THSD7A: variants seen among roughly 807,000 people sequenced by gnomAD.
THSD7A encodes the protein thrombospondin type-1 domain-containing protein 7A.
A neutral mutation model predicts 231.3 loss-of-function variants in THSD7A; 96 were observed. The ratio of observed to expected loss-of-function variants is 0.41; its 90% CI spans 0.35 to 0.49. The LOEUF (loss-of-function observed/expected upper bound fraction) is 0.49. Ranked by LOEUF, THSD7A falls within the 20% of genes least tolerant of loss-of-function variation. The probability of loss-of-function intolerance (pLI) is 0.05; values close to 1 mark genes in which losing one functional copy is unlikely to be tolerated. For synonymous variants in THSD7A, 940 were observed against 743.3 expected, an observed-to-expected ratio of 1.26 and a Z score of -4.30; for missense variants, 2,290 against 2,070.2, an observed-to-expected ratio of 1.11 and a Z score of -2.06.
At chr7:11,646,053 C>A (rs993377405) in intron 1 of THSD7A, among the ~76,000 whole-genome samples, 1 of 151,958 alleles carries the variant, frequency 6.6e-6, no homozygotes, top group Non-Finnish European at 1.5e-5. Context: ...AGAGAAAATT[C>A]TTCTTCAAGT....
At chr7:11,386,233 G>C (rs1002010309) in intron 23 of THSD7A, among the ~76,000 whole-genome samples, 1 of 152,166 alleles carries the variant, frequency 6.6e-6, no homozygotes, top group Non-Finnish European at 1.5e-5. Context: ...TATATACCCA[G>C]TAATGGGATT....
intron 4 of THSD7A, among the ~76,000 whole-genome samples, chr7:11,572,374 C>A (rs1380392305): frequency 2.0e-5 from 3 of 152,144 alleles, no homozygotes; most frequent in African/African-American, 4.8e-5. Context: ...ATTATTAAGC[C>A]CACTCAGTGA....
rs138450623 is a variant in THSD7A, at chr7:11,546,692, T to A, written c.1454-3575A>T. Among the ~76,000 whole-genome samples the A allele has an allele frequency of 7.1e-3, 1,083 of 152,242 alleles. 7 individuals carry two copies. Among genetic ancestry groups the A allele is most frequent in the Non-Finnish European group, 0.013 (851 of 68,012 alleles). Reference sequence around the variant, plus strand: ...TATTACATTCAAATGACTGCACTAGTTCCCCAGCACTGGTTTTAAACCAGG... The same window carrying A: ...TATTACATTCAAATGACTGCACTAGATCCCCAGCACTGGTTTTAAACCAGG... On this transcript the variant is annotated intron_variant, in intron 4 of 27. Coordinates refer to ENST00000423059, the MANE Select transcript of THSD7A (RefSeq NM_015204.3).
intron 1 of THSD7A, among the ~76,000 whole-genome samples, chr7:11,811,771 G>A (rs1784533907): frequency 6.6e-6 from 1 of 152,138 alleles, no homozygotes; most frequent in Non-Finnish European, 1.5e-5. Flanking sequence ...GCTGCCTGTG[G>A]ACAAATATAA....
At chr7:11,557,853 C>A (rs1789914109) in intron 4 of THSD7A, among the ~76,000 whole-genome samples, 1 of 152,104 alleles carries the variant, frequency 6.6e-6, no homozygotes, top group South Asian at 2.1e-4. Context: ...TCTCTAACAC[C>A]ACCTAGTGGG....
chr7:11,639,445 G>A (rs911341300), intron 1 of THSD7A, among the ~76,000 whole-genome samples: 2 of 151,982 alleles, frequency 1.3e-5, no homozygotes, highest in Non-Finnish European at 2.9e-5. Context: ...CGAGGCGGGC[G>A]GATCACAAGG....
chr7:11,733,579 G>A (rs1781808933), intron 1 of THSD7A, among the ~76,000 whole-genome samples: 2 of 151,796 alleles, frequency 1.3e-5, no homozygotes, highest in South Asian at 4.2e-4. Context: ...TGACTGTGTA[G>A]AAAAATGCAC....
intron 1 of THSD7A, among the ~76,000 whole-genome samples, chr7:11,705,169 T>C (rs556490239): frequency 1.3e-5 from 2 of 151,174 alleles, no homozygotes; most frequent in East Asian, 3.9e-4. Context: ...GAGAACATTG[T>C]TTCAAATATC....
chr7:11,762,784 T>C (rs1468212445), intron 1 of THSD7A, among the ~76,000 whole-genome samples: 1 of 151,718 alleles, frequency 6.6e-6, no homozygotes, highest in East Asian at 1.9e-4. Context: ...AACTACAAAA[T>C]ATTCATGAAA....
intron 1 of THSD7A, among the ~76,000 whole-genome samples, chr7:11,706,411 A>C (rs1780767495): frequency 6.6e-6 from 1 of 150,938 alleles, no homozygotes; most frequent in South Asian, 2.1e-4. Context: ...TAAGAAACTC[A>C]GAAAGTAAAG....
chr7:11,451,785 A>C (rs1463912801), intron 11 of THSD7A, among the ~76,000 whole-genome samples: 2 of 152,072 alleles, frequency 1.3e-5, no homozygotes, highest in East Asian at 3.9e-4. Flanking sequence ...GCAGCTCTGA[A>C]GCAGATCAAA....
chr7:11,546,198 G>GTGTGTGTGTGCGCGCGCGCGCA (rs1554335267), intron 4 of THSD7A, among the ~76,000 whole-genome samples: 3 of 50,264 alleles, frequency 6.0e-5, no homozygotes, highest in African/African-American at 4.3e-4. Context: ...TGGTGTGGGC[G>GTGTGTGTGTGCGCGCGCGCGCA]CGCGCTCACA....
chr7:11,734,853 T>TA (rs989705477), intron 1 of THSD7A, among the ~76,000 whole-genome samples: 2 of 151,950 alleles, frequency 1.3e-5, no homozygotes, highest in African/African-American at 4.8e-5. Context: ...ACCCATTTTT[T>TA]CAACAATGCA....
At chr7:11,646,769 T>A (rs1051453477) in intron 1 of THSD7A, among the ~76,000 whole-genome samples, 4 of 152,050 alleles carry the variant, frequency 2.6e-5, no homozygotes, top group African/African-American at 9.7e-5. Context: ...GTAAGTGACA[T>A]CTTAATAAAT....
At chr7:11,770,825 C>G (rs73298458) in intron 1 of THSD7A, among the ~76,000 whole-genome samples, 4,449 of 152,028 alleles carry the variant, frequency 0.029, 213 homozygotes, top group African/African-American at 0.1. Context: ...GATTTTTTGG[C>G]TACGTAGAAG....
At chr7:11,442,736 T>G (rs1440528575) in intron 13 of THSD7A, among the ~76,000 whole-genome samples, 3 of 152,040 alleles carry the variant, frequency 2.0e-5, no homozygotes, top group African/African-American at 7.2e-5. Context: ...CTTTGAGTAA[T>G]TATGTTAGTA....
chr7:11,680,078 A>C (rs989174591), intron 1 of THSD7A, among the ~76,000 whole-genome samples: 18 of 136,820 alleles, frequency 1.3e-4, no homozygotes, highest in Admixed American at 2.2e-4. Context: ...CAAAACTGAC[A>C]AAAAAAAAAA....
chr7:11,476,539 A>C (rs960206572), intron 7 of THSD7A, among the ~76,000 whole-genome samples: 1 of 152,108 alleles, frequency 6.6e-6, no homozygotes, highest in Non-Finnish European at 1.5e-5. Context: ...AGAAAGCACC[A>C]GGTACAGTGG....
chr7:11,685,239 A>C (rs1477116195), intron 1 of THSD7A, among the ~76,000 whole-genome samples: 5 of 151,946 alleles, frequency 3.3e-5, no homozygotes, highest in Non-Finnish European at 5.9e-5. Flanking sequence ...TGGATTAAAG[A>C]CTCAAATGTA....
Sources: gnomAD v4.1 joint callset for allele counts (sites outside exome capture counted in the v4.1 genomes callset) on GRCh38, gnomAD v4.1.1 for gene constraint, MANE v1.5 for transcripts, NCBI Gene and HGNC (gene_info 2026-07-23, HGNC 2026-07-21) for gene names.